The following TIMM9 variants were observed in gnomAD, a reference collection of about 807,000 sequenced individuals.
TIMM9 encodes the protein translocase of inner mitochondrial membrane 9, also known as mitochondrial import inner membrane translocase subunit Tim9.
A neutral mutation model predicts 13.4 loss-of-function variants in TIMM9; 10 were observed. The ratio of observed to expected loss-of-function variants is 0.75; its 90% CI spans 0.46 to 1.26. The LOEUF (loss-of-function observed/expected upper bound fraction) is 1.26, where lower values mean the gene tolerates loss of function less well. Ranked by LOEUF, TIMM9 falls within the 50% of genes most tolerant of loss-of-function variation. The pLI is 0.00. For missense variants in TIMM9, 87 were observed against 100.8 expected (o/e 0.86, Z 0.58); for synonymous variants, 32 against 32.1 (o/e 1.00, Z 0.01).
At chr14:58,419,710 A>G (rs2036533181) in intron 3 of TIMM9, among the ~76,000 whole-genome samples, 1 of 151,942 alleles carries the variant, frequency 6.6e-6, no homozygotes, top group African/African-American at 2.4e-5. Context: ...ATTTGAGACC[A>G]GCCTGGGTAA....
At position 58,410,832 on chromosome 14, in the gene TIMM9, A is replaced by G. The variant is rs751277809; in HGVS notation, c.135+11T>C. 167 of 1,588,534 alleles carry G rather than the reference A, an allele frequency of 1.1e-4. 1 individual carries two copies. In the South Asian group the frequency reaches 1.8e-3, roughly 17 times the overall value. ...GGCTTGTAGAATTTTAGTGAGTAAC[A>G]CTTTTCATACCTCTTCAGGTTTTAC... On this transcript the variant is annotated intron_variant, in intron 5 of 5. Coordinates refer to ENST00000395159, the MANE Select transcript of TIMM9 (RefSeq NM_012460.4).
intron 3 of TIMM9, among the ~76,000 whole-genome samples, chr14:58,421,656 C>T (rs2036591538): frequency 1.3e-5 from 2 of 152,130 alleles, no homozygotes; most frequent in East Asian, 1.9e-4. Flanking sequence ...GTGGTAGATA[C>T]TGTTAGCAAG....
intron 3 of TIMM9, among the ~76,000 whole-genome samples, chr14:58,419,988 C>T (rs1336179942): frequency 6.6e-6 from 1 of 152,202 alleles, no homozygotes; most frequent in Admixed American, 6.5e-5. Flanking sequence ...CACAGGGTCT[C>T]ACCATGTTGC....
At chr14:58,412,002 A>C (rs2036236141) in intron 3 of TIMM9, 31 bp from the exon 4 acceptor site, 1 of 1,523,534 alleles carries the variant, frequency 6.6e-7, no homozygotes, top group South Asian at 1.1e-5. Flanking sequence ...AAGTTTGTCA[A>C]TCTATAAACA....
chr14:58,408,924 G>T lies in TIMM9; in HGVS notation c.*110C>A. 1.4e-6 allele frequency: 2 copies of T among 1,465,064 alleles called. No individual in the cohort carries two copies. The highest frequency in any genetic ancestry group is 1.4e-5 in the South Asian group (1 of 72,078). The allele number at this position is 1,465,064 out of a possible 1,614,324, so 90.8% of individuals were successfully genotyped here. A position where few individuals can be genotyped will look rare whatever the true frequency, so the allele number is the denominator to read the frequency against. On this transcript the variant is annotated 3_prime_UTR_variant, in exon 6 of 6. Coordinates refer to ENST00000395159, the MANE Select transcript of TIMM9 (RefSeq NM_012460.4). The stretch of plus-strand genomic sequence containing the variant: ...CATTTGCCAAACAGTCATGACAGAT[G>T]GTTGAACATGGTGGCTACTGCTTTC...
chr14:58,413,745 C>T (rs907482982), intron 3 of TIMM9, among the ~76,000 whole-genome samples: 3 of 152,030 alleles, frequency 2.0e-5, no homozygotes, highest in Admixed American at 6.6e-5. Context: ...TGGTGGCTCA[C>T]GCCTGTAATC....
At chr14:58,414,008 G>GAAA (rs10656955) in intron 3 of TIMM9, among the ~76,000 whole-genome samples, 15,915 of 24,036 alleles carry the variant, frequency 0.66, 7,296 homozygotes, top group East Asian at 0.74. Flanking sequence ...TTCCGTCTCA[G>GAAA]AAAAAAAAAA....
chr14:58,417,164 T>C (rs547065375), intron 3 of TIMM9, among the ~76,000 whole-genome samples: 1 of 152,278 alleles, frequency 6.6e-6, no homozygotes, highest in South Asian at 2.1e-4. Context: ...TCAGCCATGA[T>C]TGTGAGGCCT....
intron 3 of TIMM9, among the ~76,000 whole-genome samples, chr14:58,415,242 G>A (rs534686520): frequency 2.0e-5 from 3 of 151,936 alleles, no homozygotes; most frequent in African/African-American, 4.8e-5. Context: ...TTGTCAAAAG[G>A]AGCCAGATAA....
intron 4 of TIMM9, among the ~76,000 whole-genome samples, chr14:58,411,374 G>C (rs2036209365): frequency 1.3e-5 from 2 of 151,944 alleles, no homozygotes. Flanking sequence ...CTTGGGCCCG[G>C]GAGATGGAGG....
chr14:58,423,931 T>C (rs545201046), intron 3 of TIMM9, 77 bp downstream of exon 3: 1 of 152,328 alleles, frequency 6.6e-6, no homozygotes, highest in African/African-American at 2.4e-5. Flanking sequence ...GCTGTTATTC[T>C]TGTGGCAAAC....
At chr14:58,419,451 TCACACA>T (rs67147520) in intron 3 of TIMM9, among the ~76,000 whole-genome samples, 22,432 of 112,694 alleles carry the variant, frequency 0.2, 1,979 homozygotes, top group Middle Eastern at 0.27. Flanking sequence ...TGAGACCCCG[TCACACA>T]CACACACACA....
chr14:58,419,784 C>T (rs2036534856), intron 3 of TIMM9, among the ~76,000 whole-genome samples: 2 of 151,952 alleles, frequency 1.3e-5, no homozygotes, highest in South Asian at 4.1e-4. Context: ...GGCATGGTGG[C>T]ACATACCTGT....
chr14:58,425,118 T>G (rs1224688893), intron 2 of TIMM9, among the ~76,000 whole-genome samples: 5 of 151,328 alleles, frequency 3.3e-5, no homozygotes, highest in African/African-American at 9.7e-5. Flanking sequence ...TGATTTAGAG[T>G]GAGAAAATAA....
At position 58,411,914 on chromosome 14, in the gene TIMM9, A is replaced by G. The variant is rs767131312; in HGVS notation, c.32T>C (p.Ile11Thr). MAAQIPESDQ[I>T]KQFKEFLGTY... ...TTAATTAGAATACCTTACCTGTTTT[A>G]TCTGATCAGATTCTGGTATTTGTGC... is the stretch of plus-strand genomic sequence containing the variant. Residue 11 changes from isoleucine (I) to threonine (T), a missense_variant, in exon 4 of 6, where the codon ATA becomes ACA. By Grantham distance (89) the Ile-to-Thr change is moderately conservative (BLOSUM62 -1). Transcript: ENST00000395159. The G allele has an allele frequency of 4.5e-5, 72 of 1,613,690 alleles. No homozygotes were observed. The highest frequency in any genetic ancestry group is 6.1e-5 in the Non-Finnish European group (72 of 1,179,786).
intron 2 of TIMM9, among the ~76,000 whole-genome samples, chr14:58,425,547 A>G (rs1490534822): frequency 6.6e-6 from 1 of 151,648 alleles, no homozygotes; most frequent in Non-Finnish European, 1.5e-5. Context: ...GTCTCTGGAA[A>G]AAAAAAAAAA....
At chr14:58,419,451 TCACA>T (rs67147520) in intron 3 of TIMM9, among the ~76,000 whole-genome samples, 18,851 of 112,660 alleles carry the variant, frequency 0.17, 1,466 homozygotes, top group Middle Eastern at 0.19. Context: ...TGAGACCCCG[TCACA>T]CACACACACA....
In TIMM9 at chr14:58,410,898, G is replaced by A. The variant is rs776411784; in HGVS notation, c.80C>T (p.Thr27Ile). ...FLGTYNKLTE[T>I]CFLDCVKDFT... ...GTCTTTAACACAGTCCAAAAAGCAG[G>A]TCTCTGTAAGTTTATTGTAGGTCCC... The change falls in exon 5 of 6, where the codon ACC becomes ATC. Residue 27 changes from threonine (T) to isoleucine (I), a missense_variant. Coordinates refer to ENST00000395159, the MANE Select transcript of TIMM9 (RefSeq NM_012460.4). 1.2e-6 allele frequency: 2 copies of A among 1,613,560 alleles called. No homozygotes were observed. Among genetic ancestry groups the A allele is most frequent in the Non-Finnish European group, 1.7e-6 (2 of 1,179,838 alleles).
rs117877143 is a variant in TIMM9, at chr14:58,426,704, G to A, written c.-115+350C>T. Among the ~76,000 whole-genome samples the A allele has an allele frequency of 3.9e-4, 59 of 152,332 alleles. No individual in the cohort carries two copies. In the East Asian group the frequency reaches 7.0e-3, roughly 18 times the overall value. On this transcript the variant is annotated intron_variant, in intron 2 of 5. Coordinates refer to ENST00000395159, the MANE Select transcript of TIMM9 (RefSeq NM_012460.4). ...GATCAGGGAAGGGGTGTTAGACCTG[G>A]TATTATGTCTAAAGACGATTTTCAT... is the stretch of plus-strand genomic sequence containing the variant.
Sources: allele counts gnomAD v4.1 joint callset (sites outside exome capture counted in the v4.1 genomes callset), GRCh38; gene constraint gnomAD v4.1.1; transcripts MANE v1.5; gene names NCBI Gene and HGNC (gene_info 2026-07-23, HGNC 2026-07-21).